The following DEPTOR variants were observed in gnomAD, a reference collection of about 807,000 sequenced individuals.
DEPTOR encodes DEP domain-containing mTOR-interacting protein.
Under a neutral mutation model 41.6 loss-of-function variants are expected in DEPTOR, and 41 were observed. That is an observed-to-expected ratio of 0.98 (90% CI 0.77 to 1.28). The LOEUF (loss-of-function observed/expected upper bound fraction) is 1.28. DEPTOR is among the 50% of genes most tolerant of loss of function. DEPTOR has a pLI of 0.00. For missense variants in DEPTOR, 514 were observed against 527.9 expected (o/e 0.97, Z 0.26); for synonymous variants, 195 against 192.3 (o/e 1.01, Z -0.12).
At chr8:120,007,594 G>A (rs16893418) in intron 7 of DEPTOR, among the ~76,000 whole-genome samples, 4 of 152,008 alleles carry the variant, frequency 2.6e-5, no homozygotes, top group Admixed American at 6.6e-5. Flanking sequence ...TCAAATTCAC[G>A]TTCATACCCT....
At chr8:120,000,394 C>A (rs1586652202) in intron 4 of DEPTOR, among the ~76,000 whole-genome samples, 1 of 152,134 alleles carries the variant, frequency 6.6e-6, no homozygotes, top group East Asian at 1.9e-4. Context: ...TGAATGGAAT[C>A]ATACAGTGTG....
intron 4 of DEPTOR, among the ~76,000 whole-genome samples, chr8:119,969,010 G>A (rs1210210857): frequency 6.6e-6 from 1 of 151,662 alleles, no homozygotes; most frequent in East Asian, 1.9e-4. Flanking sequence ...AGTAAGAATC[G>A]CTTGAACCCT....
intron 4 of DEPTOR, among the ~76,000 whole-genome samples, chr8:119,989,633 C>T (rs905108571): frequency 5.9e-5 from 9 of 152,214 alleles, no homozygotes; most frequent in Admixed American, 4.6e-4. Flanking sequence ...AATATAATAA[C>T]TCTCTCATAG....
At chr8:120,036,531 G>A (rs1468731925) in intron 8 of DEPTOR, among the ~76,000 whole-genome samples, 1 of 152,150 alleles carries the variant, frequency 6.6e-6, no homozygotes, top group Non-Finnish European at 1.5e-5. Flanking sequence ...ACATACAGCT[G>A]CAAGTTTTCT....
chr8:120,012,101 A>G (rs1812539599), intron 8 of DEPTOR, among the ~76,000 whole-genome samples: 1 of 152,266 alleles, frequency 6.6e-6, no homozygotes, highest in Non-Finnish European at 1.5e-5. Context: ...ATTGTTTAAC[A>G]TAACATTTTA....
chr8:119,973,658 C>A (rs2129995787), intron 4 of DEPTOR, among the ~76,000 whole-genome samples: 1 of 152,376 alleles, frequency 6.6e-6, no homozygotes, highest in Non-Finnish European at 1.5e-5. Context: ...AAATTGCTCA[C>A]AGCTGCAGCA....
At chr8:120,002,791 A>AAAAAAAATATATATATATATATAT in intron 5 of DEPTOR, among the ~76,000 whole-genome samples, 186 bp from the exon 6 acceptor site, 2 of 60,670 alleles carry the variant, frequency 3.3e-5, no homozygotes, top group East Asian at 1.0e-3. Flanking sequence ...AAAAAAAAAA[A>AAAAAAAATATATATATATATATAT]ATATATATAT....
intron 3 of DEPTOR, among the ~76,000 whole-genome samples, chr8:119,955,769 A>G (rs1828410170): frequency 6.6e-6 from 1 of 152,168 alleles, no homozygotes; most frequent in Non-Finnish European, 1.5e-5. Context: ...CCCTGCTGAC[A>G]TAATTTTTAT....
At chr8:120,002,812 A>ATATATATATATAT (rs71306853) in intron 5 of DEPTOR, among the ~76,000 whole-genome samples, 165 bp from the exon 6 acceptor site, 10 of 130,116 alleles carry the variant, frequency 7.7e-5, no homozygotes, top group Admixed American at 1.7e-4. Flanking sequence ...ATATATATAT[A>ATATATATATATAT]ATATAAAGTA....
At chr8:120,037,781 A>G (rs1813000557) in intron 8 of DEPTOR, among the ~76,000 whole-genome samples, 1 of 152,150 alleles carries the variant, frequency 6.6e-6, no homozygotes, top group Admixed American at 6.6e-5. Flanking sequence ...CCTGCCAGAT[A>G]TGGCCCAGGT....
intron 3 of DEPTOR, among the ~76,000 whole-genome samples, chr8:119,930,640 A>G (rs1828030613): frequency 6.6e-6 from 1 of 152,102 alleles, no homozygotes; most frequent in African/African-American, 2.4e-5. Context: ...AGGCCAGGAG[A>G]TGAGTAGTGA....
intron 1 of DEPTOR, among the ~76,000 whole-genome samples, chr8:119,876,876 T>A (rs1049094512): frequency 1.3e-5 from 2 of 152,180 alleles, no homozygotes; most frequent in Non-Finnish European, 2.9e-5. Context: ...GTTGCGAGAA[T>A]TTGCCCCTGG....
At chr8:119,929,042 A>G (rs573357668) in intron 2 of DEPTOR, among the ~76,000 whole-genome samples, 155 of 152,320 alleles carry the variant, frequency 1.0e-3, no homozygotes, top group Non-Finnish European at 1.9e-3. Context: ...CTTCATCCAC[A>G]TTGATAGTAT....
chr8:119,980,091 C>T (rs1828743247), intron 4 of DEPTOR, among the ~76,000 whole-genome samples: 1 of 149,548 alleles, frequency 6.7e-6, no homozygotes, highest in African/African-American at 2.5e-5. Context: ...CAGGGCTACC[C>T]AATGAAAATA....
intron 8 of DEPTOR, among the ~76,000 whole-genome samples, chr8:120,042,817 C>T (rs1018099898): frequency 2.0e-5 from 3 of 151,904 alleles, no homozygotes; most frequent in South Asian, 2.1e-4. Context: ...CTGTGCCCAG[C>T]GTATTTTTTT....
chr8:119,938,337 A>C (rs1828138419), intron 3 of DEPTOR, among the ~76,000 whole-genome samples: 1 of 152,210 alleles, frequency 6.6e-6, no homozygotes, highest in Admixed American at 6.5e-5. Flanking sequence ...TTAGTTTTAA[A>C]AGTTTTAAGC....
chr8:120,020,257 T>G (rs1190008823), intron 8 of DEPTOR, among the ~76,000 whole-genome samples: 1 of 152,186 alleles, frequency 6.6e-6, no homozygotes, highest in Non-Finnish European at 1.5e-5. Flanking sequence ...AATTTTTGCA[T>G]TTTTAGTAGA....
At chr8:119,922,106 G>A (rs1025990950) in intron 1 of DEPTOR, among the ~76,000 whole-genome samples, 3 of 151,992 alleles carry the variant, frequency 2.0e-5, no homozygotes, top group South Asian at 4.2e-4. Flanking sequence ...GGGCATGGTG[G>A]CGGGCACCTG....
intron 3 of DEPTOR, among the ~76,000 whole-genome samples, chr8:119,933,103 C>A (rs1214680425): frequency 6.6e-6 from 1 of 152,060 alleles, no homozygotes; most frequent in African/African-American, 2.4e-5. Context: ...ATCTGATATA[C>A]TTCTGCATGT....
Sources: gnomAD v4.1 joint callset for allele counts (sites outside exome capture counted in the v4.1 genomes callset) on GRCh38, gnomAD v4.1.1 for gene constraint, MANE v1.5 for transcripts, NCBI Gene and HGNC (gene_info 2026-07-23, HGNC 2026-07-21) for gene names.